The following DSG3 variants were observed in gnomAD, a reference collection of about 807,000 sequenced individuals.
DSG3 encodes desmoglein 3.
Under a neutral mutation model 85.9 loss-of-function variants are expected in DSG3, and 63 were observed. That is an observed-to-expected ratio of 0.73 (90% CI 0.60 to 0.90). The LOEUF (loss-of-function observed/expected upper bound fraction) is 0.90. Among genes scored for constraint, DSG3 ranks in the 40% least tolerant of loss-of-function variants. DSG3 has a pLI of 0.00. For synonymous variants in DSG3, 447 were observed against 441.9 expected (o/e 1.01, Z -0.14); for missense variants, 1,220 against 1,219.9 (o/e 1.00, Z 0.00).
intron 3 of DSG3, 72 bp from the exon 4 acceptor site, chr18:31,458,373 A>C: frequency 6.7e-7 from 1 of 1,487,806 alleles, no homozygotes; most frequent in South Asian, 1.2e-5. Flanking sequence ...ACTTTAGACT[A>C]TGGAAGTGGG....
chr18:31,476,744 G>A lies in DSG3; in HGVS notation c.*484G>A, dbSNP rs1187340380. ...GGAGGCCGAGGCAGGTGGATCATGA[G>A]GTCAGGAGATCGAGACCATCCTGGC... On this transcript the variant is annotated 3_prime_UTR_variant, in exon 16 of 16. Transcript: ENST00000257189. The A allele has an allele frequency of 1.3e-5, 2 of 152,848 alleles. No homozygotes were observed. Among genetic ancestry groups the A allele is most frequent in the Admixed American group, 6.5e-5 (1 of 15,374 alleles). 9.5% of individuals were successfully genotyped at this position (152,848 alleles called of 1,614,324 possible). A position where few individuals can be genotyped will look rare whatever the true frequency, so the allele number is the denominator to read the frequency against.
chr18:31,459,060 G>C lies in DSG3; in HGVS notation c.400G>C (p.Gly134Arg). 6.2e-7 allele frequency: 1 copy of C among 1,613,576 alleles called. No homozygotes were observed. The highest frequency in any genetic ancestry group is 8.5e-7 in the Non-Finnish European group (1 of 1,179,882). The change falls in exon 5 of 16, where the codon GGA (glycine) becomes CGA (arginine). Residue 134 changes from glycine to arginine, a missense_variant. By Grantham distance (125) the Gly-to-Arg change is moderately radical (BLOSUM62 -2). Coordinates refer to ENST00000257189, the MANE Select transcript of DSG3 (RefSeq NM_001944.3). ...LITCRALNAQ[G>R]LDVEKPLILT... ...CACATGTCGGGCTCTAAATGCCCAA[G>C]GACTAGATGTAGAGAAACCACTTAT...
At chr18:31,458,862 A>C (rs1459970227) in intron 4 of DSG3, among the ~76,000 whole-genome samples, 171 bp from the exon 5 acceptor site, 2 of 152,206 alleles carry the variant, frequency 1.3e-5, no homozygotes, top group African/African-American at 4.8e-5. Context: ...CAACTTGCCC[A>C]GTTGGTCTGC....
chr18:31,463,679 C>A (rs778946287), intron 8 of DSG3, among the ~76,000 whole-genome samples: 32 of 152,068 alleles, frequency 2.1e-4, no homozygotes, highest in African/African-American at 6.8e-4. Context: ...GTATTAGGGG[C>A]CTTGATTTGT....
chr18:31,464,925 T>G (rs2072808227), intron 9 of DSG3, among the ~76,000 whole-genome samples: 1 of 151,916 alleles, frequency 6.6e-6, no homozygotes, highest in Admixed American at 6.6e-5. Flanking sequence ...TCACTTGAGG[T>G]TGGGAGTTCG....
intron 2 of DSG3, 119 bp from the exon 3 acceptor site, chr18:31,456,862 GCTAATTAGATAC>G: frequency 1.2e-6 from 1 of 822,374 alleles, no homozygotes. Flanking sequence ...ATCAGGTAGA[GCTAATTAGATAC>G]CTAACAGTCT....
chr18:31,451,419 AAGAG>A (rs891244003), intron 1 of DSG3, among the ~76,000 whole-genome samples: 2 of 152,210 alleles, frequency 1.3e-5, no homozygotes, highest in African/African-American at 2.4e-5. Flanking sequence ...TAGGAAAAAA[AAGAG>A]AGAAGCAGTT....
intron 1 of DSG3, among the ~76,000 whole-genome samples, chr18:31,452,618 C>T (rs1363194119): frequency 7.1e-6 from 1 of 141,648 alleles, no homozygotes; most frequent in African/African-American, 2.6e-5. Context: ...TTTAATAAAA[C>T]TAACTTACTT....
chr18:31,462,993 C>A (rs542083523), intron 8 of DSG3, among the ~76,000 whole-genome samples: 3 of 152,272 alleles, frequency 2.0e-5, no homozygotes, highest in South Asian at 4.1e-4. Flanking sequence ...ATTGGAGAAG[C>A]CCAGGCAGCA....
In DSG3 at chr18:31,465,403, G is replaced by T; in HGVS notation, c.1357G>T (p.Asp453Tyr). Residue 453 changes from aspartate to tyrosine, a missense_variant, in exon 10 of 16, where the codon GAT (aspartate) becomes TAT (tyrosine). Physicochemically the swap from Asp to Tyr is radical, Grantham distance 160. Transcript: ENST00000257189. The stretch of plus-strand genomic sequence containing the variant: ...CAAATTTGTCAAAAATATGAACCGA[G>T]ATTCTACTTTCATAGTTAACAAAAC... Reference protein sequence around the residue: ...EIKFVKNMNRDSTFIVNKTIT... With the variant: ...EIKFVKNMNRYSTFIVNKTIT... 1 of 1,549,068 alleles carries T rather than the reference G, an allele frequency of 6.5e-7. No individual in the cohort carries two copies.
At position 31,457,232 on chromosome 18, in the gene DSG3, A is replaced by G. The variant is rs960387864; in HGVS notation, c.216+108A>G. 4.5e-5 allele frequency: 49 copies of G among 1,079,416 alleles called. 1 individual carries two copies. Among genetic ancestry groups the G allele is most frequent in the Middle Eastern group, 2.4e-4 (1 of 4,252 alleles). The allele number at this position is 1,079,416 out of a possible 1,614,324, so 66.9% of individuals were successfully genotyped here. ...ACAAAATGAAGACTGGGGAGTCCAC[A>G]GAACAAGTGAACTGGTATCCTCAAC... On this transcript the variant is annotated intron_variant, in intron 3 of 15. Transcript: ENST00000257189.
chr18:31,472,526 T>C, intron 13 of DSG3, 103 bp downstream of exon 13: 1 of 1,420,434 alleles, frequency 7.0e-7, no homozygotes, highest in Non-Finnish European at 9.5e-7. Context: ...GACCTTCAGT[T>C]TCAGAGTCAG....
chr18:31,464,408 A>G, intron 9 of DSG3, 26 bp downstream of exon 9: 1 of 1,582,548 alleles, frequency 6.3e-7, no homozygotes, highest in South Asian at 1.2e-5. Context: ...TTTATATCCT[A>G]TTTCTTGATG....
intron 12 of DSG3, among the ~76,000 whole-genome samples, chr18:31,470,336 T>G (rs868020339): frequency 7.2e-5 from 11 of 152,154 alleles, no homozygotes; most frequent in South Asian, 4.1e-4. Context: ...CAGATATGAA[T>G]GTTTTGCAAT....
rs1255710360 is a variant in DSG3 at position 31,478,584 on chromosome 18, T to C, written c.*2324T>C. 1 of 152,212 alleles carries C rather than the reference T, an allele frequency of 6.6e-6. No homozygotes were observed. The highest frequency in any genetic ancestry group is 1.5e-5 in the Non-Finnish European group (1 of 68,036). The allele number at this position is 152,212 out of a possible 1,614,324, so 9.4% of individuals were successfully genotyped here. A position where few individuals can be genotyped will look rare whatever the true frequency, so the allele number is the denominator to read the frequency against. ...TTTTACACAAAACTTGTTTTAAGCATAAAATTTTAAAACTGTACTACTTGA... is the reference window on the plus strand; with the variant it reads ...TTTTACACAAAACTTGTTTTAAGCACAAAATTTTAAAACTGTACTACTTGA... On this transcript the variant is annotated 3_prime_UTR_variant, in exon 16 of 16. Transcript: ENST00000257189.
At chr18:31,474,001 T>G in intron 14 of DSG3, 120 bp from the exon 15 acceptor site, 1 of 910,580 alleles carries the variant, frequency 1.1e-6, no homozygotes. Flanking sequence ...GTCATATAAT[T>G]GTATTTTCTC....
At position 31,447,774 on chromosome 18, in the gene DSG3, A is replaced by G. The variant is rs1190169238; in HGVS notation, c.-104A>G. The G allele has an allele frequency of 5.4e-6, 5 of 921,308 alleles. No individual in the cohort carries two copies. The highest frequency in any genetic ancestry group is 5.6e-5 in the Admixed American group (2 of 35,846). 57.1% of individuals were successfully genotyped at this position (921,308 alleles called of 1,614,324 possible). Reference sequence around the variant, plus strand: ...CCATCTGTAGACTCCTTCGGAAAGCAGCAGAGACGCTGCAGAGGGCTTTTC... The same window carrying G: ...CCATCTGTAGACTCCTTCGGAAAGCGGCAGAGACGCTGCAGAGGGCTTTTC... On this transcript the variant is annotated 5_prime_UTR_variant, in exon 1 of 16. Coordinates refer to ENST00000257189, the MANE Select transcript of DSG3 (RefSeq NM_001944.3).
intron 1 of DSG3, among the ~76,000 whole-genome samples, chr18:31,454,776 C>T (rs2072731933): frequency 6.6e-6 from 1 of 151,598 alleles, no homozygotes; most frequent in Non-Finnish European, 1.5e-5. Flanking sequence ...GGGTGGATCA[C>T]CTGAGGTCAG....
intron 11 of DSG3, among the ~76,000 whole-genome samples, chr18:31,467,289 C>A (rs923015794): frequency 6.6e-6 from 1 of 152,186 alleles, no homozygotes; most frequent in Admixed American, 6.5e-5. Flanking sequence ...TGCAGTGAGC[C>A]AAGATCCTGC....
Sources: allele counts gnomAD v4.1 joint callset (sites outside exome capture counted in the v4.1 genomes callset), GRCh38; gene constraint gnomAD v4.1.1; transcripts MANE v1.5; gene names NCBI Gene and HGNC (gene_info 2026-07-23, HGNC 2026-07-21).